Variants in MINPP1 observed in about 807,000 individuals in gnomAD.
The protein encoded by MINPP1 is multiple inositol polyphosphate phosphatase 1.
A neutral mutation model predicts 46.1 loss-of-function variants in MINPP1; 28 were observed. The observed-to-expected ratio is 0.61, with a 90% CI of 0.45 to 0.83. The LOEUF (loss-of-function observed/expected upper bound fraction) is 0.83. Among genes scored for constraint, MINPP1 ranks in the 40% least tolerant of loss-of-function variants. MINPP1 has a pLI of 0.00. For missense variants in MINPP1, 603 were observed against 610.0 expected, an observed-to-expected ratio of 0.99 and a Z score of 0.12; for synonymous variants, 268 against 249.1, an observed-to-expected ratio of 1.08 and a Z score of -0.72.
intron 3 of MINPP1, among the ~76,000 whole-genome samples, chr10:87,518,695 C>A (rs1851450249): frequency 6.6e-6 from 1 of 152,196 alleles, no homozygotes; most frequent in South Asian, 2.1e-4. Flanking sequence ...CAGCTGGCTT[C>A]AAGTTGGCGT....
chr10:87,546,757 T>G (rs1851892716), intron 4 of MINPP1: 1 of 151,930 alleles, frequency 6.6e-6, no homozygotes, highest in South Asian at 2.1e-4. Flanking sequence ...TAAGACCCCG[T>G]TTCTACAAAA....
At chr10:87,545,326 TAAACC>T (rs1488534770) in intron 4 of MINPP1, among the ~76,000 whole-genome samples, 1 of 152,080 alleles carries the variant, frequency 6.6e-6, no homozygotes, top group Non-Finnish European at 1.5e-5. Flanking sequence ...AAAAAAGACA[TAAACC>T]AAACCAAGTA....
At position 87,505,042 on chromosome 10, in the gene MINPP1, C is replaced by G. The variant is rs531327031; in HGVS notation, c.127C>G (p.Leu43Val). The G allele has an allele frequency of 6.2e-7, 1 of 1,613,320 alleles. No individual in the cohort carries two copies. The highest frequency in any genetic ancestry group is 1.7e-5 in the Admixed American group (1 of 60,020). Reference sequence around the variant, plus strand: ...GCCGAGGGACCCGGTGGCCTCGTCGCTCAGCCCCTATTTCGGCACCAAGAC... The same window carrying G: ...GCCGAGGGACCCGGTGGCCTCGTCGGTCAGCCCCTATTTCGGCACCAAGAC... ...LEPRDPVASS[L>V]SPYFGTKTRY... Residue 43 changes from leucine to valine, a missense_variant, in exon 1 of 5, where the codon CTC becomes GTC. Physicochemically the swap from Leu to Val is conservative, Grantham distance 32. This residue lies in a region of MINPP1 where 239 missense variants were observed against 189.4 expected (regional missense o/e 1.26). Transcript: ENST00000371996. This position sits in a 1 kb window ranked among gnomAD's most constrained non-coding sequence, Gnocchi z 4.4.
At chr10:87,517,793 C>G (rs1005557506) in intron 3 of MINPP1, among the ~76,000 whole-genome samples, 1 of 152,164 alleles carries the variant, frequency 6.6e-6, no homozygotes, top group African/African-American at 2.4e-5. Context: ...TCCTGAGTAG[C>G]TGGGACCACA....
intron 4 of MINPP1, among the ~76,000 whole-genome samples, chr10:87,528,420 A>G (rs1216345164): frequency 6.6e-6 from 1 of 152,060 alleles, no homozygotes; most frequent in Non-Finnish European, 1.5e-5. Context: ...CTTTGTTCTC[A>G]TTGGTTTCAA....
intron 4 of MINPP1, among the ~76,000 whole-genome samples, chr10:87,521,488 C>A (rs1200822046): frequency 6.6e-6 from 1 of 152,106 alleles, no homozygotes; most frequent in Non-Finnish European, 1.5e-5. Flanking sequence ...ATTGGTCATT[C>A]CTTCGCCTCT....
rs1436960637 is a variant in MINPP1, at chr10:87,516,539, A to C, written c.933+3318A>C. Among the ~76,000 whole-genome samples the C allele has an allele frequency of 1.9e-5, 2 of 104,784 alleles. 1 individual carries two copies. The highest frequency in any genetic ancestry group is 5.0e-5 in the Non-Finnish European group (2 of 40,056). 68.7% of individuals were successfully genotyped at this position (104,784 alleles called of 152,430 possible). A position where few individuals can be genotyped will look rare whatever the true frequency, so the allele number is the denominator to read the frequency against. Reference sequence around the variant, plus strand: ...AGTGTATTGCTTTTGAACCATTGTAAAGTTGAAAAATTTTAAGTCAAACCA... The same window carrying C: ...AGTGTATTGCTTTTGAACCATTGTACAGTTGAAAAATTTTAAGTCAAACCA... On this transcript the variant is annotated intron_variant, in intron 3 of 4. Coordinates refer to ENST00000371996, the MANE Select transcript of MINPP1 (RefSeq NM_004897.5).
At position 87,521,029 on chromosome 10, in the gene MINPP1, T is replaced by G. The variant is rs1169331539; in HGVS notation, c.934-7T>G. 2 of 952,644 alleles carry G rather than the reference T, an allele frequency of 2.1e-6. No individual in the cohort carries two copies. Among genetic ancestry groups the G allele is most frequent in the South Asian group, 1.5e-5 (1 of 66,922 alleles). 59.0% of individuals were successfully genotyped at this position (952,644 alleles called of 1,614,324 possible). A position where few individuals can be genotyped will look rare whatever the true frequency, so the allele number is the denominator to read the frequency against. On this transcript the variant is annotated splice_region_variant and splice_polypyrimidine_tract_variant and intron_variant, in intron 3 of 4. Transcript: ENST00000371996. ...ATATATTAGAAATTATTTTTGAATT[T>G]TTTTAGGTATTAGAATATTTAAATG...
At chr10:87,550,071 G>A (rs1483696830) in intron 4 of MINPP1, among the ~76,000 whole-genome samples, 1 of 152,142 alleles carries the variant, frequency 6.6e-6, no homozygotes, top group Non-Finnish European at 1.5e-5. Context: ...TCTCTACAGG[G>A]TGGGTAACCT....
chr10:87,535,735 G>A (rs552435675), intron 4 of MINPP1, among the ~76,000 whole-genome samples: 9 of 151,970 alleles, frequency 5.9e-5, no homozygotes, highest in South Asian at 2.1e-4. Flanking sequence ...TGAGACCAGC[G>A]TGGGCAACAG....
chr10:87,526,950 C>G (rs1295773096), intron 4 of MINPP1, among the ~76,000 whole-genome samples: 1 of 152,128 alleles, frequency 6.6e-6, no homozygotes, highest in Non-Finnish European at 1.5e-5. Flanking sequence ...TTACTGTAGA[C>G]TTGTAGTGTA....
chr10:87,515,829 T>C (rs1851405742), intron 3 of MINPP1, among the ~76,000 whole-genome samples: 1 of 142,754 alleles, frequency 7.0e-6, no homozygotes, highest in African/African-American at 2.6e-5. Context: ...AGAATTTTTT[T>C]TTTTTTTTTT....
chr10:87,537,284 T>C (rs1851749626), intron 4 of MINPP1, among the ~76,000 whole-genome samples: 1 of 152,198 alleles, frequency 6.6e-6, no homozygotes, highest in Non-Finnish European at 1.5e-5. Context: ...CACCAATGTA[T>C]GAGAGTTTCA....
chr10:87,506,013 CTTCT>C (rs1183676243), intron 1 of MINPP1, among the ~76,000 whole-genome samples: 2 of 150,382 alleles, frequency 1.3e-5, no homozygotes, highest in Non-Finnish European at 2.9e-5. Context: ...CTAGTTTTTC[CTTCT>C]TTCTTTTTTT....
chr10:87,507,077 C>T (rs1851262959), intron 1 of MINPP1, among the ~76,000 whole-genome samples: 1 of 152,216 alleles, frequency 6.6e-6, no homozygotes, highest in Non-Finnish European at 1.5e-5. Context: ...ATTGCGAAGA[C>T]TGGCATTTGA....
rs149395666 is a variant in MINPP1, at chr10:87,530,896, G to A, written c.1067+9727G>A. Among the ~76,000 whole-genome samples, 45 of 152,290 alleles carry A rather than the reference G, an allele frequency of 3.0e-4. No homozygotes were observed. The East Asian group carries it at 8.5e-3, about 29-fold the overall frequency. On this transcript the variant is annotated intron_variant, in intron 4 of 4. Transcript: ENST00000371996. ...GCTTTGTTTACCTACCCAAGCCTCA[G>A]CAATGGTGGACGCCCTTCCCCTAGC...
At position 87,505,333 on chromosome 10, in the gene MINPP1, G is replaced by C; in HGVS notation, c.418G>C (p.Asp140His). ...ALADWPLWYA[D>H]WMDGQLVEKG... ...GGCCGACTGGCCTTTGTGGTACGCG[G>C]ACTGGATGGACGGGCAGCTAGTAGA... Residue 140 changes from aspartate to histidine, a missense_variant, in exon 1 of 5, where the codon GAC (aspartate) becomes CAC (histidine). Around this residue, in one of 3 missense-constraint regions of MINPP1, gnomAD observed 20 missense variants for 39.5 expected, o/e 0.51. Coordinates refer to ENST00000371996, the MANE Select transcript of MINPP1 (RefSeq NM_004897.5). The surrounding 1 kb of genome is among the most constrained non-coding windows in gnomAD (Gnocchi z 4.4). The C allele has an allele frequency of 6.2e-7, 1 of 1,613,738 alleles. No individual in the cohort carries two copies. Among genetic ancestry groups the C allele is most frequent in the Non-Finnish European group, 8.5e-7 (1 of 1,179,728 alleles).
chr10:87,518,985 C>T (rs996813661), intron 3 of MINPP1, among the ~76,000 whole-genome samples: 5 of 152,098 alleles, frequency 3.3e-5, no homozygotes, highest in Non-Finnish European at 7.4e-5. Flanking sequence ...GAGGCAGGAC[C>T]CTTTCAGGGC....
At position 87,508,023 on chromosome 10, in the gene MINPP1, C is replaced by G. The variant is rs57795585; in HGVS notation, c.638-313C>G. On this transcript the variant is annotated intron_variant, in intron 1 of 4. Coordinates refer to ENST00000371996, the MANE Select transcript of MINPP1 (RefSeq NM_004897.5). ...ACTTTGCTGATTTTTAGTTTGCTTT[C>G]TAAAGTTTTCCGTGCCTGACAGAAA... 12 of 1,404,310 alleles carry G rather than the reference C, an allele frequency of 8.5e-6. No homozygotes were observed. In the East Asian group the frequency reaches 1.8e-4, roughly 21 times the overall value. The allele number at this position is 1,404,310 out of a possible 1,614,324, so 87.0% of individuals were successfully genotyped here.
Sources: gnomAD v4.1 joint callset for allele counts (sites outside exome capture counted in the v4.1 genomes callset) on GRCh38, gnomAD v4.1.1 for gene constraint, gnomAD v4.1.1 regional missense constraint, Gnocchi (gnomAD v3.1) non-coding constraint, MANE v1.5 for transcripts, NCBI Gene and HGNC (gene_info 2026-07-23, HGNC 2026-07-21) for gene names.